NBAS: variants seen among roughly 807,000 people sequenced by gnomAD.
NBAS encodes the protein NAG/BC035112 fusion.
In NBAS, 219 loss-of-function variants were observed where a neutral mutation model predicts 302.5. The observed-to-expected ratio is 0.72, with a 90% CI of 0.65 to 0.81. NBAS has a LOEUF of 0.81. NBAS is among the 30% of genes least tolerant of loss of function. NBAS has a pLI of 0.00. For synonymous variants in NBAS, 1,118 were observed against 1,021.6 expected, an observed-to-expected ratio of 1.09 and a Z score of -1.80; for missense variants, 2,932 against 2,841.6, an observed-to-expected ratio of 1.03 and a Z score of -0.72.
In NBAS at chr2:15,439,272, G is replaced by A. The variant is rs536601059; in HGVS notation, c.2340-11478C>T. Among the ~76,000 whole-genome samples the A allele has an allele frequency of 7.9e-4, 114 of 144,644 alleles. No homozygotes were observed. The East Asian group carries it at 0.017, about 21-fold the overall frequency. The allele number at this position is 144,644 out of a possible 152,430, so 94.9% of individuals were successfully genotyped here. A position where few individuals can be genotyped will look rare whatever the true frequency, so the allele number is the denominator to read the frequency against. ...AGCTGAGACATCGCCACTGCACTCC[G>A]ACCTGGGCCAAAGAGCAAGACTCGG... is the stretch of plus-strand genomic sequence containing the variant. On this transcript the variant is annotated intron_variant, in intron 21 of 51. Coordinates refer to ENST00000281513, the MANE Select transcript of NBAS (RefSeq NM_015909.4).
the NBAS span, among the ~76,000 whole-genome samples, chr2:14,969,577 A>G: frequency 6.6e-6 from 1 of 152,162 alleles, no homozygotes; most frequent in African/African-American, 2.4e-5. Context: ...GGGTTTCACC[A>G]TGTTGGCCAG....
the NBAS span, among the ~76,000 whole-genome samples, chr2:14,825,751 T>G: frequency 6.6e-6 from 1 of 151,952 alleles, no homozygotes; most frequent in South Asian, 2.1e-4. Context: ...AAAGGTAGGG[T>G]TTAGAGGAGT....
chr2:14,956,942 G>C, the NBAS span, among the ~76,000 whole-genome samples: 2 of 152,122 alleles, frequency 1.3e-5, no homozygotes, highest in Non-Finnish European at 2.9e-5. Flanking sequence ...TTGCAGATAG[G>C]ATCTTTATAA....
intron 28 of NBAS, among the ~76,000 whole-genome samples, chr2:15,389,645 G>C (rs1300490486): frequency 6.6e-6 from 1 of 152,178 alleles, no homozygotes; most frequent in African/African-American, 2.4e-5. Flanking sequence ...ATTCAGAAAA[G>C]ATTAAGCAAA....
At chr2:15,498,158 T>C (rs957027426) in intron 11 of NBAS, among the ~76,000 whole-genome samples, 18 of 152,288 alleles carry the variant, frequency 1.2e-4, no homozygotes, top group Admixed American at 1.1e-3. Flanking sequence ...CATTCTCCAC[T>C]AAGTTATTTC....
chr2:14,820,935 C>CTT, the NBAS span, among the ~76,000 whole-genome samples: 1 of 145,012 alleles, frequency 6.9e-6, no homozygotes, highest in Non-Finnish European at 1.5e-5. Context: ...CTTTTCTTTT[C>CTT]TTTTTTTTTT....
chr2:15,163,151 A>T (rs1351083527), downstream of NBAS, among the ~76,000 whole-genome samples: 2 of 152,138 alleles, frequency 1.3e-5, no homozygotes, highest in Non-Finnish European at 2.9e-5. Flanking sequence ...TTCTTTTAAA[A>T]ATTGGGTCCC....
At chr2:15,436,373 C>T (rs1454000353) in intron 21 of NBAS, among the ~76,000 whole-genome samples, 1 of 152,270 alleles carries the variant, frequency 6.6e-6, no homozygotes, top group East Asian at 1.9e-4. Flanking sequence ...ACAGTAGTAG[C>T]TCACAGAAAT....
chr2:15,213,986 A>AGCAAAATATG (rs1666539629), intron 48 of NBAS, among the ~76,000 whole-genome samples: 1 of 152,220 alleles, frequency 6.6e-6, no homozygotes, highest in African/African-American at 2.4e-5. Flanking sequence ...AATCATTGTC[A>AGCAAAATATG]GCAAACTATG....
At chr2:15,314,570 G>GA in intron 38 of NBAS, among the ~76,000 whole-genome samples, 1 of 152,070 alleles carries the variant, frequency 6.6e-6, no homozygotes, top group Non-Finnish European at 1.5e-5. Context: ...CCACAGTCTT[G>GA]AAAAACCACA....
At chr2:15,270,320 A>G (rs1669259489) in intron 44 of NBAS, among the ~76,000 whole-genome samples, 1 of 152,066 alleles carries the variant, frequency 6.6e-6, no homozygotes, top group Admixed American at 6.6e-5. Context: ...ATGCGCCATC[A>G]TGCCCAGCTA....
the NBAS span, among the ~76,000 whole-genome samples, chr2:14,922,276 AT>A: frequency 6.6e-6 from 1 of 152,214 alleles, no homozygotes; most frequent in Non-Finnish European, 1.5e-5. Flanking sequence ...GTAGGGCTGG[AT>A]TCAAGAGCAT....
At chr2:15,072,712 A>G in the NBAS span, among the ~76,000 whole-genome samples, 5 of 152,254 alleles carry the variant, frequency 3.3e-5, no homozygotes, top group African/African-American at 1.2e-4. Context: ...TGAAAATATT[A>G]TGATAGTGAC....
the NBAS span, among the ~76,000 whole-genome samples, chr2:14,829,724 C>T: frequency 1.3e-5 from 2 of 152,194 alleles, no homozygotes; most frequent in Non-Finnish European, 2.9e-5. Flanking sequence ...TACTCCTGAG[C>T]TGGCACAACT....
At chr2:14,980,272 C>T in the NBAS span, among the ~76,000 whole-genome samples, 1 of 152,154 alleles carries the variant, frequency 6.6e-6, no homozygotes, top group Non-Finnish European at 1.5e-5. Flanking sequence ...CACCTCACTC[C>T]ATGCAACTCC....
chr2:15,441,474 C>T (rs574102440), intron 21 of NBAS, among the ~76,000 whole-genome samples: 554 of 151,662 alleles, frequency 3.7e-3, no homozygotes, highest in Non-Finnish European at 4.9e-3. Context: ...TTTGTCACCA[C>T]CAGGCCTGCC....
intron 48 of NBAS, among the ~76,000 whole-genome samples, chr2:15,211,112 T>C (rs1666388148): frequency 6.6e-6 from 1 of 152,146 alleles, no homozygotes; most frequent in East Asian, 1.9e-4. Flanking sequence ...ATATAAAAAT[T>C]ACTAAAAGTA....
In NBAS at chr2:15,296,502, G is replaced by A. The variant is rs1037450328; in HGVS notation, c.4798-3736C>T. The stretch of plus-strand genomic sequence containing the variant: ...GATTGTGCTACTGCACTCCAGCCTG[G>A]GTGACAGCATGAGACTCTGTCTCAA... On this transcript the variant is annotated intron_variant, in intron 40 of 51. Coordinates refer to ENST00000281513, the MANE Select transcript of NBAS (RefSeq NM_015909.4). Among the ~76,000 whole-genome samples, 4 of 151,686 alleles carry A rather than the reference G, an allele frequency of 2.6e-5. No individual in the cohort carries two copies. The East Asian group carries it at 5.8e-4, about 22-fold the overall frequency.
intron 9 of NBAS, among the ~76,000 whole-genome samples, chr2:15,526,146 T>A (rs1243914816): frequency 6.6e-6 from 1 of 152,114 alleles, no homozygotes; most frequent in Non-Finnish European, 1.5e-5. Context: ...GAAAAAAAGA[T>A]GGCAGCGAGG....
Sources: gnomAD v4.1 joint callset for allele counts (sites outside exome capture counted in the v4.1 genomes callset) on GRCh38, gnomAD v4.1.1 for gene constraint, MANE v1.5 for transcripts, NCBI Gene and HGNC (gene_info 2026-07-23, HGNC 2026-07-21) for gene names.